The following SPPL3 variants were observed in gnomAD, a reference collection of about 807,000 sequenced individuals.
SPPL3 encodes signal peptide peptidase-like 3.
A neutral mutation model predicts 42.4 loss-of-function variants in SPPL3; 5 were observed. That is an observed-to-expected ratio of 0.12 (90% confidence interval 0.06 to 0.25). The LOEUF (loss-of-function observed/expected upper bound fraction) is 0.25, where lower values mean the gene tolerates loss of function less well. Among genes scored for constraint, SPPL3 ranks in the 10% least tolerant of loss-of-function variants. SPPL3 has a pLI of 1.00. For synonymous variants in SPPL3, 195 were observed against 181.8 expected (o/e 1.07, Z -0.58); for missense variants, 235 against 489.0 (o/e 0.48, Z 4.90).
chr12:120,791,900 C>T (rs1303050104), intron 2 of SPPL3: 1 of 257,792 alleles, frequency 3.9e-6, no homozygotes, highest in Non-Finnish European at 7.5e-6. Context: ...TACCACACAA[C>T]TGTTCGCAAA....
chr12:120,815,274 G>A (rs1371008166), intron 1 of SPPL3, among the ~76,000 whole-genome samples: 1 of 152,190 alleles, frequency 6.6e-6, no homozygotes, highest in African/African-American at 2.4e-5. Flanking sequence ...TTTCCAAAGT[G>A]AGTATTGTCT....
At chr12:120,875,422 A>T (rs952857656) in intron 1 of SPPL3, among the ~76,000 whole-genome samples, 1 of 152,054 alleles carries the variant, frequency 6.6e-6, no homozygotes, top group African/African-American at 2.4e-5. Flanking sequence ...TAGTAAATCA[A>T]GAACAGACCA....
intron 3 of SPPL3, among the ~76,000 whole-genome samples, chr12:120,789,422 C>G (rs1177653867): frequency 8.0e-6 from 1 of 125,248 alleles, no homozygotes; most frequent in Non-Finnish European, 1.6e-5. Flanking sequence ...CCTCTGCACT[C>G]CAGCCTGGGT....
At chr12:120,836,690 C>T (rs766962691) in intron 1 of SPPL3, among the ~76,000 whole-genome samples, 11 of 152,084 alleles carry the variant, frequency 7.2e-5, no homozygotes, top group African/African-American at 1.9e-4. Flanking sequence ...GGGTTAGCAC[C>T]GGGAAGGTGT....
chr12:120,776,433 C>T (rs1223731592), intron 6 of SPPL3, among the ~76,000 whole-genome samples: 1 of 152,130 alleles, frequency 6.6e-6, no homozygotes, highest in Non-Finnish European at 1.5e-5. Context: ...CAGAGAGGTG[C>T]TCACCCCATT....
intron 1 of SPPL3, among the ~76,000 whole-genome samples, chr12:120,881,437 C>T (rs1249096518): frequency 5.7e-5 from 7 of 122,066 alleles, no homozygotes; most frequent in African/African-American, 2.3e-4. Flanking sequence ...CACAGAACTC[C>T]AGCCTGGGCA....
At chr12:120,830,772 A>G (rs1355942219) in intron 1 of SPPL3, among the ~76,000 whole-genome samples, 1 of 152,026 alleles carries the variant, frequency 6.6e-6, no homozygotes, top group Non-Finnish European at 1.5e-5. Context: ...AAGTCCTATC[A>G]GGCTGACTTT....
chr12:120,766,112 A>ATG (rs1868889759), intron 10 of SPPL3, 151 bp downstream of exon 10: 7 of 133,180 alleles, frequency 5.3e-5, no homozygotes, highest in South Asian at 3.1e-4. Flanking sequence ...ACACACACAC[A>ATG]CACACACACA....
chr12:120,837,004 T>C (rs563198601), intron 1 of SPPL3, among the ~76,000 whole-genome samples: 3 of 152,168 alleles, frequency 2.0e-5, no homozygotes. Flanking sequence ...TTTTTGTAAC[T>C]GCATGTGAAT....
intron 2 of SPPL3, among the ~76,000 whole-genome samples, chr12:120,792,441 C>T (rs1001606871): frequency 6.6e-6 from 1 of 152,102 alleles, no homozygotes; most frequent in African/African-American, 2.4e-5. Context: ...GTGGCTCACG[C>T]CTGTAATCCC....
intron 1 of SPPL3, among the ~76,000 whole-genome samples, chr12:120,814,948 T>A (rs560842685): frequency 6.6e-6 from 1 of 152,354 alleles, no homozygotes; most frequent in South Asian, 2.1e-4. Flanking sequence ...AACATCAGCA[T>A]GATAGTCCAT....
chr12:120,824,942 A>G (rs962153932), intron 1 of SPPL3, among the ~76,000 whole-genome samples: 15 of 152,180 alleles, frequency 9.9e-5, no homozygotes, highest in African/African-American at 2.9e-4. Flanking sequence ...CTGTAACAAC[A>G]TATTTCTAGA....
At chr12:120,818,197 T>C (rs2137006744) in intron 1 of SPPL3, among the ~76,000 whole-genome samples, 1 of 152,288 alleles carries the variant, frequency 6.6e-6, no homozygotes, top group South Asian at 2.1e-4. Flanking sequence ...AAGGAATTCT[T>C]ACTGAAACAC....
At chr12:120,859,922 A>T (rs1016687968) in intron 1 of SPPL3, among the ~76,000 whole-genome samples, 1 of 151,960 alleles carries the variant, frequency 6.6e-6, no homozygotes, top group African/African-American at 2.4e-5. Flanking sequence ...CAGCCTGAGC[A>T]ACAGAGCAAG....
chr12:120,774,239 C>G (rs1212533029), intron 6 of SPPL3, among the ~76,000 whole-genome samples: 13 of 152,138 alleles, frequency 8.5e-5, no homozygotes, highest in African/African-American at 3.1e-4. Context: ...ACACCTCCAC[C>G]CACTTCCTAC....
intron 1 of SPPL3, among the ~76,000 whole-genome samples, chr12:120,883,737 G>A (rs1873362192): frequency 6.6e-6 from 1 of 152,062 alleles, no homozygotes; most frequent in Non-Finnish European, 1.5e-5. Context: ...AATTATAAAA[G>A]ACAATATATG....
At chr12:120,900,418 C>G (rs117130360) in intron 1 of SPPL3, among the ~76,000 whole-genome samples, 1 of 151,318 alleles carries the variant, frequency 6.6e-6, no homozygotes, top group African/African-American at 2.4e-5. Context: ...AGACCAGCAC[C>G]GGCAACATGG....
At chr12:120,766,406 G>T in intron 9 of SPPL3, 34 bp from the exon 10 acceptor site, 1 of 1,525,326 alleles carries the variant, frequency 6.6e-7, no homozygotes, top group South Asian at 1.2e-5. Flanking sequence ...TGAGACACGA[G>T]AGGGAACCCG....
intron 7 of SPPL3, 66 bp downstream of exon 7, chr12:120,768,887 T>C: frequency 7.2e-7 from 1 of 1,394,654 alleles, no homozygotes; most frequent in South Asian, 1.2e-5. Context: ...AGTTAATAGT[T>C]TTCAGGCATG....
Sources: gnomAD v4.1 joint callset for allele counts (sites outside exome capture counted in the v4.1 genomes callset) on GRCh38, gnomAD v4.1.1 for gene constraint, MANE v1.5 for transcripts, NCBI Gene and HGNC (gene_info 2026-07-23, HGNC 2026-07-21) for gene names.